Variants in COL4A2 observed in about 807,000 individuals in gnomAD.
COL4A2 encodes collagen type IV alpha 2 chain.
In COL4A2, 99 loss-of-function variants were observed where a neutral mutation model predicts 200.2. The ratio of observed to expected loss-of-function variants is 0.49; its 90% CI spans 0.42 to 0.58. The LOEUF is 0.58. COL4A2 is among the 20% of genes least tolerant of loss of function. The pLI is 0.00. For missense variants in COL4A2, 1,950 were observed against 2,314.1 expected (o/e 0.84, Z 3.23); for synonymous variants, 897 against 900.6 (o/e 1.00, Z 0.07).
intron 16 of COL4A2, among the ~76,000 whole-genome samples, chr13:110,440,100 C>T (rs1881065686): frequency 2.6e-5 from 4 of 152,186 alleles, no homozygotes. Context: ...GTTTCTATAT[C>T]GTCCAACCTC....
chr13:110,506,360 T>TCTCTC (rs1883874004), intron 45 of COL4A2, 55 bp from the exon 46 acceptor site: 1 of 1,401,544 alleles, frequency 7.1e-7, no homozygotes. Flanking sequence ...CTCTCTCTCT[T>TCTCTC]TCTCGGGCTG....
chr13:110,394,939 TAGCA>T (rs779367708), intron 4 of COL4A2, among the ~76,000 whole-genome samples: 1 of 152,238 alleles, frequency 6.6e-6, no homozygotes, highest in Non-Finnish European at 1.5e-5. Flanking sequence ...CTGATGGAAT[TAGCA>T]GACACATGTC....
chr13:110,494,374 C>G (rs1009257227), intron 39 of COL4A2, among the ~76,000 whole-genome samples: 2 of 152,164 alleles, frequency 1.3e-5, no homozygotes, highest in Non-Finnish European at 2.9e-5. Flanking sequence ...TTAAATTCAG[C>G]TATTTTCATC....
intron 16 of COL4A2, among the ~76,000 whole-genome samples, chr13:110,442,922 C>T (rs1881184861): frequency 7.1e-6 from 1 of 139,930 alleles, no homozygotes; most frequent in Non-Finnish European, 1.6e-5. Flanking sequence ...ATACATGCCA[C>T]ACCAACACGC....
chr13:110,416,144 G>A (rs1007137074), intron 4 of COL4A2, among the ~76,000 whole-genome samples: 1 of 152,230 alleles, frequency 6.6e-6, no homozygotes, highest in Non-Finnish European at 1.5e-5. Flanking sequence ...CACAGCATCC[G>A]TAACCTCTTC....
At chr13:110,445,948 C>T in intron 17 of COL4A2, 66 bp downstream of exon 17, 5 of 1,562,154 alleles carry the variant, frequency 3.2e-6, no homozygotes, top group Non-Finnish European at 4.4e-6. Context: ...CCTTACTCCC[C>T]TCTTGATGGT....
intron 27 of COL4A2, 40 bp from the exon 28 acceptor site, chr13:110,469,177 G>A (rs1442303484): frequency 9.0e-6 from 14 of 1,554,422 alleles, no homozygotes; most frequent in African/African-American, 1.4e-5. Context: ...ATTTATCCTC[G>A]TGGAGCCTGA....
At chr13:110,473,956 T>C (rs9515232) in intron 29 of COL4A2, among the ~76,000 whole-genome samples, 64,591 of 131,158 alleles carry the variant, frequency 0.49, 13,862 homozygotes, top group Middle Eastern at 0.62. Flanking sequence ...GAGACCCCAT[T>C]TCTACAAAAA....
intron 3 of COL4A2, among the ~76,000 whole-genome samples, chr13:110,338,841 C>T (rs1453185835): frequency 1.3e-5 from 2 of 152,208 alleles, no homozygotes; most frequent in African/African-American, 2.4e-5. Context: ...TGCCCTGAGC[C>T]GGGAGGTCAC....
intron 40 of COL4A2, among the ~76,000 whole-genome samples, chr13:110,499,692 A>G (rs1883578806): frequency 6.6e-6 from 1 of 152,234 alleles, no homozygotes; most frequent in African/African-American, 2.4e-5. Context: ...CTTTTATGTC[A>G]GTACTTAGGA....
chr13:110,423,391 G>A (rs570572512), intron 4 of COL4A2, among the ~76,000 whole-genome samples: 26 of 152,160 alleles, frequency 1.7e-4, no homozygotes, highest in African/African-American at 6.0e-4. Flanking sequence ...GCTGAACAAT[G>A]TGAACACATG....
chr13:110,318,343 T>A lies in COL4A2; in HGVS notation c.99+10220T>A, dbSNP rs566253789. On this transcript the variant is annotated intron_variant, in intron 3 of 47. Coordinates refer to ENST00000360467, the MANE Select transcript of COL4A2 (RefSeq NM_001846.4). ...GGGTATGGTTTGGGTTGTCCAAATA[T>A]CTGACCCAACTTTACTTTAAATATG... Among the ~76,000 whole-genome samples the A allele has an allele frequency of 2.4e-3, 366 of 152,262 alleles. 2 individuals are homozygous for A. Among genetic ancestry groups the A allele is most frequent in the African/African-American group, 8.5e-3 (353 of 41,538 alleles).
rs115953532 is a variant in COL4A2 at position 110,489,811 on chromosome 13, C to T, written c.3346+26C>T. On this transcript the variant is annotated intron_variant, in intron 36 of 47. Coordinates refer to ENST00000360467, the MANE Select transcript of COL4A2 (RefSeq NM_001846.4). ...GTACGCAAGTTATTTTCCTTGTCTT[C>T]ATCTTCAACAACAGCCCTGAGCCTT... 3,143 of 1,593,678 alleles carry T rather than the reference C, an allele frequency of 2.0e-3. 53 individuals carry two copies. In the African/African-American group the frequency reaches 0.037, roughly 19 times the overall value.
intron 4 of COL4A2, among the ~76,000 whole-genome samples, chr13:110,361,440 A>C (rs745729773): frequency 3.3e-5 from 5 of 152,170 alleles, no homozygotes; most frequent in Non-Finnish European, 7.3e-5. Context: ...CTACTGTAAC[A>C]GCCCTGGAAA....
chr13:110,380,728 C>G (rs1043502931), intron 4 of COL4A2, among the ~76,000 whole-genome samples: 5 of 151,402 alleles, frequency 3.3e-5, no homozygotes, highest in Admixed American at 6.6e-5. Context: ...CACCCACGTG[C>G]TCTATCTCAT....
chr13:110,508,090 A>C lies in COL4A2; in HGVS notation c.4750A>C (p.Lys1584Gln), dbSNP rs749729146. The C allele has an allele frequency of 6.2e-7, 1 of 1,614,260 alleles. No homozygotes were observed. Among genetic ancestry groups the C allele is most frequent in the Non-Finnish European group, 8.5e-7 (1 of 1,180,044 alleles). The change falls in exon 47 of 48, where the codon AAG (lysine) becomes CAG (glutamine). Residue 1584 changes from lysine (K) to glutamine (Q), a missense_variant. Lys to Gln is a moderately conservative substitution (Grantham distance 53). This residue lies in a region of COL4A2 where 1,385 missense variants were observed against 1,720.5 expected (regional missense o/e 0.80). Transcript: ENST00000360467. The surrounding 1 kb of genome is among the most constrained non-coding windows in gnomAD (Gnocchi z 6.1). ...GATGCCCGTGGCCGAGGACGAGATC[A>C]AGCCCTACATCAGCCGCTGTTCTGT... ...PMMPVAEDEI[K>Q]PYISRCSVCE...
intron 3 of COL4A2, among the ~76,000 whole-genome samples, chr13:110,335,103 C>G (rs761717935): frequency 8.5e-5 from 13 of 152,236 alleles, no homozygotes; most frequent in Non-Finnish European, 1.3e-4. Context: ...CATCCCTGGG[C>G]TTCTCCTTGG....
At position 110,433,325 on chromosome 13, in the gene COL4A2, G is replaced by A. The variant is rs571616965; in HGVS notation, c.684+965G>A. 2.0e-5 allele frequency among the ~76,000 whole-genome samples: 3 copies of A among 152,370 alleles called. No homozygotes were observed. In the East Asian group the frequency reaches 5.8e-4, roughly 29 times the overall value. On this transcript the variant is annotated intron_variant, in intron 11 of 47. Transcript: ENST00000360467. Reference sequence around the variant, plus strand: ...GCCGGGCTGAGGAGGCAGCAGCCAAGCCCTGAGCCCAGGCGTGAGCCTCAG... The same window carrying A: ...GCCGGGCTGAGGAGGCAGCAGCCAAACCCTGAGCCCAGGCGTGAGCCTCAG...
At chr13:110,445,432 T>G (rs1419210077) in intron 16 of COL4A2, among the ~76,000 whole-genome samples, 1 of 152,120 alleles carries the variant, frequency 6.6e-6, no homozygotes, top group Non-Finnish European at 1.5e-5. Flanking sequence ...GGAGGAAACG[T>G]GGGGTTAGAA....
Sources: gnomAD v4.1 joint callset for allele counts (sites outside exome capture counted in the v4.1 genomes callset) on GRCh38, gnomAD v4.1.1 for gene constraint, gnomAD v4.1.1 regional missense constraint, Gnocchi (gnomAD v3.1) non-coding constraint, MANE v1.5 for transcripts, NCBI Gene and HGNC (gene_info 2026-07-23, HGNC 2026-07-21) for gene names.